Variants in LRRTM4 observed in about 807,000 individuals in gnomAD.
The protein encoded by LRRTM4 is leucine-rich repeat transmembrane neuronal protein 4.
A neutral mutation model predicts 47.6 loss-of-function variants in LRRTM4; 25 were observed. That is an observed-to-expected ratio of 0.53 (90% CI 0.38 to 0.73). The LOEUF (loss-of-function observed/expected upper bound fraction) is 0.73. Ranked by LOEUF, LRRTM4 falls within the 30% of genes least tolerant of loss-of-function variation. The probability of loss-of-function intolerance (pLI) is 0.00; values close to 1 mark genes in which losing one functional copy is unlikely to be tolerated. For missense variants in LRRTM4, 638 were observed against 713.4 expected, an observed-to-expected ratio of 0.89 and a Z score of 1.20; for synonymous variants, 311 against 269.5, an observed-to-expected ratio of 1.15 and a Z score of -1.51.
At chr2:77,122,955 C>T (rs1379695673) in intron 3 of LRRTM4, among the ~76,000 whole-genome samples, 1 of 151,806 alleles carries the variant, frequency 6.6e-6, no homozygotes, top group Non-Finnish European at 1.5e-5. Flanking sequence ...CACATATCTC[C>T]TCCAAGAGTC....
chr2:77,399,337 T>C (rs964527109), intron 3 of LRRTM4, among the ~76,000 whole-genome samples: 1 of 151,876 alleles, frequency 6.6e-6, no homozygotes, highest in Admixed American at 6.6e-5. Flanking sequence ...TCATTCTTTG[T>C]AGTGAGAACA....
chr2:76,910,926 G>C (rs1162776507), intron 3 of LRRTM4, among the ~76,000 whole-genome samples: 1 of 152,126 alleles, frequency 6.6e-6, no homozygotes, highest in Non-Finnish European at 1.5e-5. Context: ...TGTGCTTAAT[G>C]GTACTGAGAA....
chr2:77,407,055 T>A (rs576044539), intron 3 of LRRTM4, among the ~76,000 whole-genome samples: 1 of 152,274 alleles, frequency 6.6e-6, no homozygotes, highest in African/African-American at 2.4e-5. Context: ...TGTAAGGGAA[T>A]AATTTATTCC....
chr2:77,051,404 G>A lies in LRRTM4; in HGVS notation c.1552-302488C>T, dbSNP rs373734970. ...AAGAACTGTTTACCATTTGCACTAT[G>A]CACTTCCTAAAGAAGTTCTCAGTGT... On this transcript the variant is annotated intron_variant, in intron 3 of 3. Coordinates refer to ENST00000409884, the MANE Select transcript of LRRTM4 (RefSeq NM_001134745.3). 3.9e-5 allele frequency among the ~76,000 whole-genome samples: 6 copies of A among 152,134 alleles called. No homozygotes were observed. The South Asian group carries it at 1.2e-3, about 32-fold the overall frequency.
intron 3 of LRRTM4, among the ~76,000 whole-genome samples, chr2:77,308,997 G>T (rs1275564017): frequency 6.6e-6 from 1 of 152,066 alleles, no homozygotes; most frequent in East Asian, 1.9e-4. Flanking sequence ...TCCTGGCATA[G>T]ATAATACAAA....
chr2:77,225,129 C>T (rs966410706), intron 3 of LRRTM4, among the ~76,000 whole-genome samples: 10 of 147,548 alleles, frequency 6.8e-5, no homozygotes, highest in Admixed American at 1.4e-4. Flanking sequence ...AAGCAAACAC[C>T]GCATGTTCTC....
chr2:77,019,146 A>G (rs1244853069), intron 3 of LRRTM4, among the ~76,000 whole-genome samples: 1 of 150,832 alleles, frequency 6.6e-6, no homozygotes, highest in African/African-American at 2.4e-5. Flanking sequence ...TAGACTTGTT[A>G]TAGAGAGTCA....
chr2:76,947,142 T>G (rs940762039), intron 3 of LRRTM4, among the ~76,000 whole-genome samples: 2 of 151,856 alleles, frequency 1.3e-5, no homozygotes, highest in African/African-American at 2.4e-5. Flanking sequence ...CCTTGTCAAC[T>G]GAACATCAAC....
intron 3 of LRRTM4, among the ~76,000 whole-genome samples, chr2:76,942,153 T>C (rs140366051): frequency 1.5e-3 from 235 of 152,234 alleles, no homozygotes; most frequent in African/African-American, 5.0e-3. Flanking sequence ...CACTTTTTGG[T>C]GGTGTTTTTT....
At chr2:76,897,362 T>C (rs1673457100) in intron 3 of LRRTM4, among the ~76,000 whole-genome samples, 1 of 152,108 alleles carries the variant, frequency 6.6e-6, no homozygotes. Flanking sequence ...TAAGAGCTTG[T>C]GTGTAAGGGA....
At chr2:77,408,334 T>C (rs1052215215) in intron 3 of LRRTM4, among the ~76,000 whole-genome samples, 1 of 152,198 alleles carries the variant, frequency 6.6e-6, no homozygotes, top group Non-Finnish European at 1.5e-5. Context: ...TCTTTCTTAA[T>C]AGCTCAATAT....
At chr2:77,344,573 T>C (rs1184885115) in intron 3 of LRRTM4, among the ~76,000 whole-genome samples, 1 of 151,872 alleles carries the variant, frequency 6.6e-6, no homozygotes, top group Non-Finnish European at 1.5e-5. Context: ...ACCAAAAGTT[T>C]AACATTTGTG....
rs1441768816 is a variant in LRRTM4, at chr2:76,995,530, AG to A, written c.1552-246615del. On this transcript the variant is annotated intron_variant, in intron 3 of 3. Transcript: ENST00000409884. Reference sequence around the variant, plus strand: ...AAGTTTCTAGATCAAATTCTGGGGGAGGCAAACGGGGGACTGGCTCTATCAA... The same window carrying A: ...AAGTTTCTAGATCAAATTCTGGGGGAGCAAACGGGGGACTGGCTCTATCAA... Among the ~76,000 whole-genome samples, 6 of 152,050 alleles carry A rather than the reference AG, an allele frequency of 3.9e-5. No homozygotes were observed. The East Asian group carries it at 1.2e-3, about 29-fold the overall frequency.
chr2:76,973,814 A>C (rs1360626559), intron 3 of LRRTM4, among the ~76,000 whole-genome samples: 1 of 151,944 alleles, frequency 6.6e-6, no homozygotes, highest in Non-Finnish European at 1.5e-5. Flanking sequence ...AGCATCTGTC[A>C]ATCTTTTCCC....
chr2:77,507,824 G>A (rs753112667), intron 3 of LRRTM4, among the ~76,000 whole-genome samples: 10 of 151,984 alleles, frequency 6.6e-5, no homozygotes, highest in African/African-American at 1.4e-4. Context: ...TAGACCTGGT[G>A]TCAGAACTTA....
chr2:77,401,553 A>G (rs1410410813), intron 3 of LRRTM4, among the ~76,000 whole-genome samples: 3 of 151,902 alleles, frequency 2.0e-5, no homozygotes, highest in Non-Finnish European at 4.4e-5. Flanking sequence ...TTCCTAGCAC[A>G]TAGAACAGTT....
chr2:77,139,303 T>C (rs1186721521), intron 3 of LRRTM4, among the ~76,000 whole-genome samples: 1 of 152,172 alleles, frequency 6.6e-6, no homozygotes, highest in South Asian at 2.1e-4. Flanking sequence ...ATCCCTGGGA[T>C]GCAAGGCTGG....
chr2:77,375,323 A>G (rs1204856261), intron 3 of LRRTM4, among the ~76,000 whole-genome samples: 1 of 151,526 alleles, frequency 6.6e-6, no homozygotes, highest in Non-Finnish European at 1.5e-5. Flanking sequence ...AATATAATTT[A>G]GTGATTTGGG....
At chr2:77,383,595 A>G (rs1206457079) in intron 3 of LRRTM4, among the ~76,000 whole-genome samples, 1 of 152,130 alleles carries the variant, frequency 6.6e-6, no homozygotes, top group Non-Finnish European at 1.5e-5. Context: ...AATAATTATT[A>G]AGTGCTTATG....
Sources: allele counts gnomAD v4.1 joint callset (sites outside exome capture counted in the v4.1 genomes callset), GRCh38; gene constraint gnomAD v4.1.1; transcripts MANE v1.5; gene names NCBI Gene and HGNC (gene_info 2026-07-23, HGNC 2026-07-21).